DNAH5: variants seen among roughly 807,000 people sequenced by gnomAD.
DNAH5 encodes the protein dynein axonemal heavy chain 5.
DNAH5 carries 372 observed loss-of-function variants against 518.2 expected under a neutral mutation model. The observed-to-expected ratio is 0.72, with a 90% CI of 0.66 to 0.78. The LOEUF is 0.78. Among genes scored for constraint, DNAH5 ranks in the 30% least tolerant of loss-of-function variants. The pLI is 0.00. For missense variants in DNAH5, 5,523 were observed against 5,687.0 expected (o/e 0.97, Z 0.93); for synonymous variants, 2,039 against 2,025.9 (o/e 1.01, Z -0.17).
chr5:13,700,876 T>G lies in DNAH5; in HGVS notation c.13492-5A>C, dbSNP rs770033667. On this transcript the variant is annotated splice_polypyrimidine_tract_variant and splice_region_variant and intron_variant, in intron 77 of 78. Transcript: ENST00000265104. ...TTTGTTGGCCCGAGTTATTTCCTAT[T>G]CAGGGCAGCAAAAGATGAATGGAGC... 2 of 1,613,992 alleles carry G rather than the reference T, an allele frequency of 1.2e-6. No homozygotes were observed. The highest frequency in any genetic ancestry group is 3.3e-5 in the Admixed American group (2 of 60,028).
chr5:13,920,699 G>A, intron 5 of DNAH5, 82 bp from the exon 6 acceptor site: 1 of 1,530,338 alleles, frequency 6.5e-7, no homozygotes, highest in Non-Finnish European at 9.0e-7. Context: ...CCACTTTGCT[G>A]CACTCTGACA....
chr5:13,882,894 C>G lies in DNAH5; in HGVS notation c.3174+10G>C, dbSNP rs749250823. 1.2e-6 allele frequency: 2 copies of G among 1,614,118 alleles called. No individual in the cohort carries two copies. Among genetic ancestry groups the G allele is most frequent in the Non-Finnish European group, 1.7e-6 (2 of 1,180,008 alleles). On this transcript the variant is annotated intron_variant, in intron 20 of 78. Transcript: ENST00000265104. The stretch of plus-strand genomic sequence containing the variant: ...TTCCATATGAAACCATTTCTGCACC[C>G]CATACCCACCTTGGACAACAGTTCA...
At chr5:13,890,807 T>C (rs1773119351) in intron 17 of DNAH5, among the ~76,000 whole-genome samples, 169 bp downstream of exon 17, 1 of 152,220 alleles carries the variant, frequency 6.6e-6, no homozygotes, top group African/African-American at 2.4e-5. Flanking sequence ...CTTAGATACA[T>C]TTCTCTTCAC....
intron 65 of DNAH5, among the ~76,000 whole-genome samples, chr5:13,738,284 T>C (rs73050021): frequency 0.03 from 4,547 of 152,152 alleles, 222 homozygotes; most frequent in African/African-American, 0.1. Context: ...GGAAATATAT[T>C]TGAAGACAAA....
At chr5:13,852,479 T>C (rs1450039691) in intron 30 of DNAH5, among the ~76,000 whole-genome samples, 1 of 152,188 alleles carries the variant, frequency 6.6e-6, no homozygotes, top group Non-Finnish European at 1.5e-5. Context: ...TTTATTTTTT[T>C]TTTCGTACCC....
In DNAH5 at chr5:13,916,334, CA is replaced by C; in HGVS notation, c.1197+13del. ...GAAATACAAATGAACATGGACTCTA[CA>C]TCATGCACTTACCTTTACAAACAGA... On this transcript the variant is annotated intron_variant, in intron 9 of 78. Coordinates refer to ENST00000265104, the MANE Select transcript of DNAH5 (RefSeq NM_001369.3). 7 of 1,328,542 alleles carry C rather than the reference CA, an allele frequency of 5.3e-6. No homozygotes were observed. Among genetic ancestry groups the C allele is most frequent in the Non-Finnish European group, 7.6e-6 (7 of 924,028 alleles). The allele number at this position is 1,328,542 out of a possible 1,614,324, so 82.3% of individuals were successfully genotyped here.
rs1747695059 is a variant in DNAH5 at position 13,737,480 on chromosome 5, T to C, written c.11227A>G (p.Arg3743Gly). The change falls in exon 66 of 79, where the codon AGA becomes GGA. Residue 3743 changes from arginine (R) to glycine (G), a missense_variant. Arg to Gly is a moderately radical substitution (Grantham distance 125). Coordinates refer to ENST00000265104, the MANE Select transcript of DNAH5 (RefSeq NM_001369.3). The part of the protein sequence containing the change: ...LTEKQELEKE[R>G]THLMEDVTAN... ...GTTACATCTTCCATCAGATGAGTTCTTTCTTTCTCCAATTCCTATTAATTT... is the reference window on the plus strand; with the variant it reads ...GTTACATCTTCCATCAGATGAGTTCCTTCTTTCTCCAATTCCTATTAATTT... The C allele has an allele frequency of 6.2e-7, 1 of 1,613,976 alleles. No homozygotes were observed. The highest frequency in any genetic ancestry group is 8.5e-7 in the Non-Finnish European group (1 of 1,179,880).
intron 76 of DNAH5, among the ~76,000 whole-genome samples, chr5:13,702,266 G>C (rs75714416): frequency 0.04 from 6,113 of 152,228 alleles, 386 homozygotes; most frequent in African/African-American, 0.13. Context: ...TATAACACTT[G>C]AATTTCAAAT....
At chr5:13,787,263 A>C (rs2126874160) in intron 51 of DNAH5, among the ~76,000 whole-genome samples, 1 of 152,198 alleles carries the variant, frequency 6.6e-6, no homozygotes. Flanking sequence ...ATAAATTCAC[A>C]ATCAATTAAC....
At chr5:13,791,474 C>T (rs940378084) in intron 50 of DNAH5, among the ~76,000 whole-genome samples, 26 of 140,622 alleles carry the variant, frequency 1.8e-4, no homozygotes, top group African/African-American at 6.8e-4. Flanking sequence ...AAGCTGCTGC[C>T]TCTCCTCAAC....
At chr5:13,827,906 C>T (rs903661626) in intron 38 of DNAH5, among the ~76,000 whole-genome samples, 1 of 152,176 alleles carries the variant, frequency 6.6e-6, no homozygotes, top group Non-Finnish European at 1.5e-5. Context: ...ACTTCTCCTT[C>T]CTGCCACCAT....
chr5:13,853,917 G>A (rs941072824), intron 30 of DNAH5, among the ~76,000 whole-genome samples: 51 of 152,136 alleles, frequency 3.4e-4, no homozygotes, highest in Non-Finnish European at 3.1e-4. Flanking sequence ...TAAAAGTGAT[G>A]GGGAGAATGG....
intron 15 of DNAH5, chr5:13,897,691 A>G (rs1270147052): frequency 6.6e-6 from 1 of 152,232 alleles, no homozygotes; most frequent in African/African-American, 2.4e-5. Context: ...TTGACCAGCT[A>G]CTCAGGTTGA....
Position 13,777,353 on chromosome 5 carries a change from GA to G in DNAH5, c.8953del (p.Ser2985ProfsTer7). The G allele has an allele frequency of 6.2e-7, 1 of 1,612,564 alleles. No homozygotes were observed. Among genetic ancestry groups the G allele is most frequent in the South Asian group, 1.1e-5 (1 of 91,012 alleles). Reference sequence around the variant, plus strand: ...TTCCATCAGATTTGATGTGTTGTAGGATCTAAAGAAATATTTTCATTTTGTC... The same window carrying G: ...TTCCATCAGATTTGATGTGTTGTAGGTCTAAAGAAATATTTTCATTTTGTC... ...YVSFQITLTRSYNTSNLMEDL... is the reference protein window; with the variant it reads ...YVSFQITLTRXYNTSNLMEDL... On this transcript the variant is annotated frameshift_variant and splice_region_variant, in exon 54 of 79. Coordinates refer to ENST00000265104, the MANE Select transcript of DNAH5 (RefSeq NM_001369.3). LOFTEE classifies it high-confidence loss of function.
intron 1 of DNAH5, among the ~76,000 whole-genome samples, chr5:13,967,805 A>G (rs1202545259): frequency 3.8e-5 from 4 of 104,402 alleles, no homozygotes; most frequent in Non-Finnish European, 7.1e-5. Context: ...TTTTCACAAT[A>G]ATGATTCTAC....
At position 13,792,000 on chromosome 5, in the gene DNAH5, T is replaced by C. The variant is rs1239795172; in HGVS notation, c.8442A>G (p.Glu2814=). The C allele has an allele frequency of 6.2e-7, 1 of 1,613,294 alleles. No individual in the cohort carries two copies. The change falls in exon 50 of 79, where the codon GAA becomes GAG. Residue 2814 remains glutamate, a synonymous_variant. Transcript: ENST00000265104. ...TTTCTTCAGTGTCACTTACATTTGG[T>C]TCCTTGATGACCTCTGAAGTAGTGT... ...MLNTTSEVIK[E]PNDLLKLWKH...
At position 13,691,524 on chromosome 5, in the gene DNAH5, C is replaced by T; in HGVS notation, c.*460G>A. 1.3e-5 allele frequency: 2 copies of T among 154,952 alleles called. No homozygotes were observed. Among genetic ancestry groups the T allele is most frequent in the Non-Finnish European group, 2.9e-5 (2 of 69,872 alleles). 9.6% of individuals were successfully genotyped at this position (154,952 alleles called of 1,614,324 possible). ...GTATTTTTAATTGGCTGCTTGAAAC[C>T]CTGAAAATAAGTCTCTTAACTTGAC... is the stretch of plus-strand genomic sequence containing the variant. On this transcript the variant is annotated 3_prime_UTR_variant, in exon 79 of 79. Coordinates refer to ENST00000265104, the MANE Select transcript of DNAH5 (RefSeq NM_001369.3).
At chr5:13,905,537 A>G (rs183841892) in intron 12 of DNAH5, among the ~76,000 whole-genome samples, 9 of 152,304 alleles carry the variant, frequency 5.9e-5, no homozygotes, top group Admixed American at 2.6e-4. Flanking sequence ...CACAAAAAGA[A>G]CTCAGACAAA....
intron 1 of DNAH5, among the ~76,000 whole-genome samples, chr5:13,935,866 G>T (rs1198969758): frequency 6.6e-6 from 1 of 152,150 alleles, no homozygotes; most frequent in Non-Finnish European, 1.5e-5. Flanking sequence ...GATTAAGAAG[G>T]CAGGAGGTAA....
Sources: gnomAD v4.1 joint callset for allele counts (sites outside exome capture counted in the v4.1 genomes callset) on GRCh38, gnomAD v4.1.1 for gene constraint, MANE v1.5 for transcripts, NCBI Gene and HGNC (gene_info 2026-07-23, HGNC 2026-07-21) for gene names.